GTF3C3: variants seen among roughly 807,000 people sequenced by gnomAD.
GTF3C3 encodes the protein general transcription factor IIIC subunit 3.
GTF3C3 carries 75 observed loss-of-function variants against 105.2 expected under a neutral mutation model. The ratio of observed to expected loss-of-function variants is 0.71; its 90% confidence interval spans 0.59 to 0.86. The LOEUF (loss-of-function observed/expected upper bound fraction) is 0.86. Among genes scored for constraint, GTF3C3 ranks in the 40% least tolerant of loss-of-function variants. The pLI, the probability that GTF3C3 is intolerant of heterozygous loss-of-function variation, is 0.00. For missense variants in GTF3C3, 856 were observed against 1,076.5 expected, an observed-to-expected ratio of 0.80 and a Z score of 2.87; for synonymous variants, 335 against 370.4, an observed-to-expected ratio of 0.90 and a Z score of 1.10.
chr2:196,785,616 T>C, intron 6 of GTF3C3, 28 bp from the exon 7 acceptor site: 3 of 1,418,724 alleles, frequency 2.1e-6, no homozygotes, highest in Non-Finnish European at 3.0e-6. Context: ...AATGGATGAA[T>C]ATTTACTTAA....
intron 6 of GTF3C3, 63 bp downstream of exon 6, chr2:196,789,141 T>C: frequency 7.6e-7 from 1 of 1,312,570 alleles, no homozygotes; most frequent in South Asian, 1.4e-5. Context: ...ATTCCAAATA[T>C]ATGCTTTGAT....
chr2:196,775,312 G>C, intron 12 of GTF3C3, 61 bp from the exon 13 acceptor site: 1 of 1,461,964 alleles, frequency 6.8e-7, no homozygotes, highest in East Asian at 2.3e-5. Flanking sequence ...TAGAGACAAA[G>C]TCTTGTTATG....
At chr2:196,797,144 T>C (rs1347026709) in intron 2 of GTF3C3, among the ~76,000 whole-genome samples, 2 of 152,214 alleles carry the variant, frequency 1.3e-5, no homozygotes, top group East Asian at 3.8e-4. Flanking sequence ...GTTAACTTGA[T>C]ATGGTAGTAA....
At chr2:196,797,130 C>T (rs1453561813) in intron 2 of GTF3C3, among the ~76,000 whole-genome samples, 1 of 152,194 alleles carries the variant, frequency 6.6e-6, no homozygotes, top group Non-Finnish European at 1.5e-5. Flanking sequence ...AGTTTAGCAT[C>T]CCAGTTAACT....
chr2:196,783,342 A>C (rs1282286758), intron 8 of GTF3C3, among the ~76,000 whole-genome samples: 3 of 152,118 alleles, frequency 2.0e-5, no homozygotes, highest in Non-Finnish European at 4.4e-5. Flanking sequence ...TACAATTAAA[A>C]CTTGAACAGA....
At chr2:196,779,127 T>C (rs1699304365) in intron 9 of GTF3C3, 60 bp from the exon 10 acceptor site, 5 of 1,247,284 alleles carry the variant, frequency 4.0e-6, no homozygotes, top group Non-Finnish European at 3.4e-6. Context: ...CATCTATCTA[T>C]AGCTTTTTTT....
chr2:196,788,874 GAACAACAC>G, intron 6 of GTF3C3, among the ~76,000 whole-genome samples: 1 of 152,156 alleles, frequency 6.6e-6, no homozygotes, highest in Admixed American at 6.5e-5. Flanking sequence ...AGACCAGCCT[GAACAACAC>G]AGCAAGACCC....
intron 8 of GTF3C3, 30 bp downstream of exon 8, chr2:196,784,827 T>C (rs754890767): frequency 4.4e-6 from 7 of 1,586,860 alleles, no homozygotes; most frequent in Admixed American, 1.9e-5. Flanking sequence ...GAGGATTATA[T>C]ACACTTTCCT....
Position 196,772,146 on chromosome 2 carries a change from A to G in GTF3C3, c.2070-208T>C, listed in dbSNP as rs538095639. ...AAATGTTGCTTAAGTTAGTGTTTCT[A>G]TATCTTATTTCTACTTTCAACAAAA... On this transcript the variant is annotated intron_variant, in intron 14 of 17. Transcript: ENST00000263956. Among the ~76,000 whole-genome samples the G allele has an allele frequency of 5.3e-5, 8 of 152,336 alleles. No homozygotes were observed. In the East Asian group the frequency reaches 7.7e-4, roughly 15 times the overall value.
rs1294345946 is a variant in GTF3C3 at position 196,776,647 on chromosome 2, T to C, written c.1391-18A>G. The C allele has an allele frequency of 6.4e-7, 1 of 1,573,652 alleles. No individual in the cohort carries two copies. The highest frequency in any genetic ancestry group is 8.7e-7 in the Non-Finnish European group (1 of 1,146,092). ...TAAACATTCTAAGATGATGTTAAAA[T>C]AAAGCAAAAGTATGAACTACAGATT... On this transcript the variant is annotated intron_variant, in intron 10 of 17. Transcript: ENST00000263956. The surrounding 1 kb of genome is among the most constrained non-coding windows in gnomAD (Gnocchi z 4.5).
chr2:196,791,722 G>T, intron 3 of GTF3C3: 1 of 305,052 alleles, frequency 3.3e-6, no homozygotes. Context: ...GATCACCTGA[G>T]GCCAGGAGTT....
intron 8 of GTF3C3, among the ~76,000 whole-genome samples, chr2:196,784,205 A>G (rs573924534): frequency 1.3e-5 from 2 of 152,288 alleles, no homozygotes; most frequent in East Asian, 1.9e-4. Flanking sequence ...CACAAATTCC[A>G]TCAAAATCCT....
intron 2 of GTF3C3, 110 bp downstream of exon 2, chr2:196,797,687 C>CAGGTAATCAACAACAGAGTA: frequency 3.0e-6 from 2 of 675,892 alleles, no homozygotes. Context: ...CCTGAAAAAC[C>CAGGTAATCAACAACAGAGTA]AGGTAATCAA....
chr2:196,776,411 A>ATG lies in GTF3C3; in HGVS notation c.1593+14_1593+15dup. On this transcript the variant is annotated intron_variant, in intron 11 of 17. Transcript: ENST00000263956. The surrounding 1 kb of genome is among the most constrained non-coding windows in gnomAD (Gnocchi z 4.5). The stretch of plus-strand genomic sequence containing the variant: ...AATATACCAAGAAAAACTTCCCTCT[A>ATG]TGTGACATGGCCCACCTGCTGTGCA... 1 of 1,604,620 alleles carries ATG rather than the reference A, an allele frequency of 6.2e-7. No individual in the cohort carries two copies. The highest frequency in any genetic ancestry group is 8.5e-7 in the Non-Finnish European group (1 of 1,172,454).
intron 15 of GTF3C3, among the ~76,000 whole-genome samples, chr2:196,770,306 A>G (rs1699149771): frequency 6.6e-6 from 1 of 152,262 alleles, no homozygotes; most frequent in Non-Finnish European, 1.5e-5. Flanking sequence ...ATGTAAAGTA[A>G]TACTTCCAAA....
At chr2:196,767,726 G>T (rs1179009941) in intron 16 of GTF3C3, among the ~76,000 whole-genome samples, 1 of 152,018 alleles carries the variant, frequency 6.6e-6, no homozygotes, top group African/African-American at 2.4e-5. Context: ...CTATTCGACT[G>T]CAAAGAAATA....
chr2:196,777,190 C>T (rs1340558905), intron 10 of GTF3C3, among the ~76,000 whole-genome samples: 4 of 152,174 alleles, frequency 2.6e-5, no homozygotes, highest in African/African-American at 7.2e-5. Context: ...CCCATTCCCA[C>T]ATGACACATC....
At chr2:196,798,328 C>A (rs553609017) in intron 1 of GTF3C3, among the ~76,000 whole-genome samples, 1 of 151,792 alleles carries the variant, frequency 6.6e-6, no homozygotes, top group Non-Finnish European at 1.5e-5. Flanking sequence ...AGTTTGAGAC[C>A]GGCCTGGGCA....
intron 15 of GTF3C3, among the ~76,000 whole-genome samples, chr2:196,770,335 G>A (rs1246744554): frequency 6.6e-6 from 1 of 152,168 alleles, no homozygotes; most frequent in Non-Finnish European, 1.5e-5. Context: ...TTTATCAGCT[G>A]CAATCATTAA....
Sources: gnomAD v4.1 joint callset for allele counts (sites outside exome capture counted in the v4.1 genomes callset) on GRCh38, gnomAD v4.1.1 for gene constraint, Gnocchi (gnomAD v3.1) non-coding constraint, MANE v1.5 for transcripts, NCBI Gene and HGNC (gene_info 2026-07-23, HGNC 2026-07-21) for gene names.